Variants in RC3H2 observed in about 807,000 individuals in gnomAD.
RC3H2 encodes roquin-2.
A neutral mutation model predicts 133.3 loss-of-function variants in RC3H2; 31 were observed. That is an observed-to-expected ratio of 0.23 (90% CI 0.17 to 0.31). The LOEUF is 0.31. RC3H2 is among the 10% of genes least tolerant of loss of function. RC3H2 has a pLI of 1.00. For synonymous variants in RC3H2, 517 were observed against 502.2 expected (o/e 1.03, Z -0.40); for missense variants, 1,175 against 1,437.2 (o/e 0.82, Z 2.95).
chr9:122,864,968 C>T (rs1300186014), intron 10 of RC3H2, among the ~76,000 whole-genome samples: 1 of 152,078 alleles, frequency 6.6e-6, no homozygotes, highest in Non-Finnish European at 1.5e-5. Flanking sequence ...AGCGCTCTGA[C>T]TGAAACAGAG....
At chr9:122,880,453 G>A (rs1831568911) in intron 6 of RC3H2, 141 bp downstream of exon 6, 1 of 746,042 alleles carries the variant, frequency 1.3e-6, no homozygotes, top group African/African-American at 1.8e-5. Context: ...AAAATAAAAA[G>A]AAAATAAGGA....
At chr9:122,869,012 C>A (rs949200910) in intron 9 of RC3H2, among the ~76,000 whole-genome samples, 3 of 150,168 alleles carry the variant, frequency 2.0e-5, no homozygotes, top group Non-Finnish European at 4.4e-5. Context: ...AGTGATTCTT[C>A]TGCCTCAGCC....
chr9:122,849,857 G>A, intron 20 of RC3H2, 35 bp from the exon 21 acceptor site: 2 of 1,450,552 alleles, frequency 1.4e-6, no homozygotes, highest in Non-Finnish European at 1.9e-6. Context: ...AAACAAATTA[G>A]CTTTAAGTGC....
At chr9:122,888,830 G>C (rs1832042121) in intron 4 of RC3H2, among the ~76,000 whole-genome samples, 1 of 152,176 alleles carries the variant, frequency 6.6e-6, no homozygotes. Context: ...CTTTGGGATA[G>C]ATTCCTAGAA....
Position 122,905,263 on chromosome 9 carries a change from G to A in RC3H2, c.-221C>T. 1.0e-6 allele frequency: 1 copy of A among 985,902 alleles called. No individual in the cohort carries two copies. The highest frequency in any genetic ancestry group is 1.2e-6 in the Non-Finnish European group (1 of 830,242). 61.1% of individuals were successfully genotyped at this position (985,902 alleles called of 1,614,324 possible). On this transcript the variant is annotated 5_prime_UTR_variant, in exon 1 of 21. Coordinates refer to ENST00000357244, the MANE Select transcript of RC3H2 (RefSeq NM_001100588.3). ...CGGGAGCTACAGGGACAGCCCCGTT[G>A]GCGGCGGCGAAGGCCGCGACGGGGC...
intron 9 of RC3H2, among the ~76,000 whole-genome samples, chr9:122,871,730 A>G (rs954704966): frequency 6.6e-6 from 1 of 151,692 alleles, no homozygotes; most frequent in African/African-American, 2.4e-5. Context: ...ACTGCCTGTC[A>G]TTACAAGATA....
intron 10 of RC3H2, among the ~76,000 whole-genome samples, chr9:122,863,749 T>A (rs1830541461): frequency 6.6e-6 from 1 of 152,198 alleles, no homozygotes; most frequent in Non-Finnish European, 1.5e-5. Context: ...GTCCTTTTTT[T>A]TTTTGAGATG....
At chr9:122,893,051 T>C (rs1040886584) in intron 2 of RC3H2, 25 bp from the exon 3 acceptor site, 3 of 1,582,754 alleles carry the variant, frequency 1.9e-6, no homozygotes, top group Non-Finnish European at 2.6e-6. Context: ...AAAAGGAATA[T>C]TGCAGAAATA....
chr9:122,853,772 A>T lies in RC3H2; in HGVS notation c.3117+180T>A, dbSNP rs1025060685. 22 of 1,430,652 alleles carry T rather than the reference A, an allele frequency of 1.5e-5. No homozygotes were observed. The East Asian group carries it at 5.0e-4, about 32-fold the overall frequency. The allele number at this position is 1,430,652 out of a possible 1,614,324, so 88.6% of individuals were successfully genotyped here. On this transcript the variant is annotated intron_variant, in intron 18 of 20. Transcript: ENST00000357244. ...AAAAAAACAAAAATCCCGATGATCTAGTTAAAGAATTATTTAAGAAATCTG... is the reference window on the plus strand; with the variant it reads ...AAAAAAACAAAAATCCCGATGATCTTGTTAAAGAATTATTTAAGAAATCTG...
At position 122,847,823 on chromosome 9, in the gene RC3H2, C is replaced by G. The variant is rs1408847905; in HGVS notation, c.*1804G>C. The G allele has an allele frequency of 6.6e-6, 1 of 152,130 alleles. No individual in the cohort carries two copies. The highest frequency in any genetic ancestry group is 2.4e-5 in the African/African-American group (1 of 41,442). 9.4% of individuals were successfully genotyped at this position (152,130 alleles called of 1,614,324 possible). ...TACTGTGCTGTTGTTATGCTACAAA[C>G]AAACATCTTCATACATTTGAGTATT... On this transcript the variant is annotated 3_prime_UTR_variant, in exon 21 of 21. Transcript: ENST00000357244.
chr9:122,855,368 T>C lies in RC3H2; in HGVS notation c.2631A>G (p.Arg877=), dbSNP rs984359820. The C allele has an allele frequency of 3.7e-6, 6 of 1,613,574 alleles. No homozygotes were observed. In the African/African-American group the frequency reaches 5.3e-5, roughly 14 times the overall value. ...MDLDSGDVKR[R]VHLFETQRRT... ...TTCTCTGGGTTTCAAATAAATGTACTCTTCTCTTAACATCACCACTGTCCA... is the reference window on the plus strand; with the variant it reads ...TTCTCTGGGTTTCAAATAAATGTACCCTTCTCTTAACATCACCACTGTCCA... The change falls in exon 15 of 21, where the codon AGA becomes AGG. Residue 877 remains arginine, a synonymous_variant. Transcript: ENST00000357244.
chr9:122,852,202 G>C (rs1166346610), intron 18 of RC3H2, among the ~76,000 whole-genome samples: 1 of 146,278 alleles, frequency 6.8e-6, no homozygotes, highest in African/African-American at 2.5e-5. Flanking sequence ...CCGTCTGGGA[G>C]GTGAGGAGCG....
chr9:122,880,881 G>C, intron 5 of RC3H2, 87 bp from the exon 6 acceptor site: 1 of 911,934 alleles, frequency 1.1e-6, no homozygotes. Flanking sequence ...GGGAGGGTGG[G>C]GGATACTTAC....
At chr9:122,869,396 CTA>C (rs1308426430) in intron 9 of RC3H2, among the ~76,000 whole-genome samples, 2 of 152,230 alleles carry the variant, frequency 1.3e-5, no homozygotes, top group South Asian at 4.1e-4. Flanking sequence ...CCTCTGGTAT[CTA>C]TAAACAACTT....
At chr9:122,855,106 C>CT (rs1830191400) in intron 15 of RC3H2, 78 bp downstream of exon 15, 1 of 1,110,360 alleles carries the variant, frequency 9.0e-7, no homozygotes, top group Non-Finnish European at 1.3e-6. Context: ...GAGTGAGACT[C>CT]TGTCTCAATT....
chr9:122,886,636 G>A, intron 4 of RC3H2, among the ~76,000 whole-genome samples: 1 of 152,166 alleles, frequency 6.6e-6, no homozygotes, highest in East Asian at 1.9e-4. Context: ...GTTACAGTGG[G>A]CTATAAGCGT....
At chr9:122,850,546 G>A (rs1184674032) in intron 20 of RC3H2, among the ~76,000 whole-genome samples, 2 of 151,174 alleles carry the variant, frequency 1.3e-5, no homozygotes, top group African/African-American at 2.4e-5. Flanking sequence ...GGGTTCAAGC[G>A]ATTCTCCTGC....
chr9:122,859,894 TAGAA>T lies in RC3H2; in HGVS notation c.1849+19_1849+22del, dbSNP rs1170078512. On this transcript the variant is annotated intron_variant, in intron 11 of 20. Transcript: ENST00000357244. ...AAGGAAACAATGTTTCTTTTTTTCTTAGAATTGTCTAAAATTACTCACCTGTCTG... is the reference window on the plus strand; with the variant it reads ...AAGGAAACAATGTTTCTTTTTTTCTTTTGTCTAAAATTACTCACCTGTCTG... 9.1e-6 allele frequency: 14 copies of T among 1,538,744 alleles called. No homozygotes were observed. Among genetic ancestry groups the T allele is most frequent in the Admixed American group, 8.4e-5 (5 of 59,456 alleles).
intron 14 of RC3H2, 85 bp from the exon 15 acceptor site, chr9:122,855,482 AG>A: frequency 1.5e-6 from 2 of 1,322,102 alleles, no homozygotes; most frequent in Non-Finnish European, 2.1e-6. Context: ...ACATGTAATT[AG>A]GTTTTTTGGT....
Sources: gnomAD v4.1 joint callset for allele counts (sites outside exome capture counted in the v4.1 genomes callset) on GRCh38, gnomAD v4.1.1 for gene constraint, MANE v1.5 for transcripts, NCBI Gene and HGNC (gene_info 2026-07-23, HGNC 2026-07-21) for gene names.